PTPRQ: variants seen among roughly 807,000 people sequenced by gnomAD.
PTPRQ encodes the protein phosphatidylinositol phosphatase PTPRQ.
In PTPRQ, 199 loss-of-function variants were observed where a neutral mutation model predicts 246.0. That is an observed-to-expected ratio of 0.81 (90% CI 0.72 to 0.91). The LOEUF (loss-of-function observed/expected upper bound fraction) is 0.91. Among genes scored for constraint, PTPRQ ranks in the 40% least tolerant of loss-of-function variants. The pLI, the probability that PTPRQ is intolerant of heterozygous loss-of-function variation, is 0.00. For missense variants in PTPRQ, 2,624 were observed against 2,528.4 expected (o/e 1.04, Z -0.81); for synonymous variants, 869 against 853.2 (o/e 1.02, Z -0.32).
At position 80,566,183 on chromosome 12, in the gene PTPRQ, A is replaced by T. The variant is rs536946269; in HGVS notation, c.4285+16449A>T. Among the ~76,000 whole-genome samples the T allele has an allele frequency of 2.0e-5, 3 of 152,354 alleles. No individual in the cohort carries two copies. In the South Asian group the frequency reaches 6.2e-4, roughly 32 times the overall value. ...TATACTTATTAAAAGATACATTAAA[A>T]ATTAATAGCCCAAGCCAGGCATGGT... On this transcript the variant is annotated intron_variant, in intron 25 of 44. Coordinates refer to ENST00000644991, the MANE Select transcript of PTPRQ (RefSeq NM_001145026.2).
At chr12:80,513,348 G>A (rs997913581) in intron 17 of PTPRQ, among the ~76,000 whole-genome samples, 1 of 152,084 alleles carries the variant, frequency 6.6e-6, no homozygotes, top group African/African-American at 2.4e-5. Flanking sequence ...CAAACTGTGC[G>A]TTGTTCCGCT....
At chr12:80,676,735 T>C (rs540552358) in intron 43 of PTPRQ, among the ~76,000 whole-genome samples, 1 of 152,260 alleles carries the variant, frequency 6.6e-6, no homozygotes, top group East Asian at 1.9e-4. Context: ...TGAGCTAATA[T>C]CCTAAGATAC....
chr12:80,496,205 A>C (rs922203346), intron 13 of PTPRQ, 45 bp from the exon 14 acceptor site: 1 of 1,542,034 alleles, frequency 6.5e-7, no homozygotes, highest in Non-Finnish European at 8.7e-7. Context: ...AGCAACAAAC[A>C]TCAATAAAAA....
At chr12:80,664,658 A>G (rs1439753385) in intron 39 of PTPRQ, among the ~76,000 whole-genome samples, 1 of 151,988 alleles carries the variant, frequency 6.6e-6, no homozygotes, top group East Asian at 1.9e-4. Context: ...AACACTTACT[A>G]TCTTCAATTC....
rs1892945346 is a variant in PTPRQ at position 80,455,409 on chromosome 12, T to C, written c.391-2166T>C. Among the ~76,000 whole-genome samples the C allele has an allele frequency of 2.6e-5, 4 of 152,348 alleles. No homozygotes were observed. In the South Asian group the frequency reaches 8.3e-4, roughly 32 times the overall value. On this transcript the variant is annotated intron_variant, in intron 3 of 44. Coordinates refer to ENST00000644991, the MANE Select transcript of PTPRQ (RefSeq NM_001145026.2). Reference sequence around the variant, plus strand: ...TAAAATAAAACTTATAGTTAGCTTTTCATTTTTCTTCCAAATCTTCTTGTT... The same window carrying C: ...TAAAATAAAACTTATAGTTAGCTTTCCATTTTTCTTCCAAATCTTCTTGTT...
At position 80,459,755 on chromosome 12, in the gene PTPRQ, G is replaced by A. The variant is rs374971747; in HGVS notation, c.660+272G>A. On this transcript the variant is annotated intron_variant, in intron 5 of 44. Transcript: ENST00000644991. The stretch of plus-strand genomic sequence containing the variant: ...GGAATTCTGAAAAGACTTCATCAAA[G>A]GAGTAGCATTTGTGATACACCATGG... Among the ~76,000 whole-genome samples, 4 of 152,270 alleles carry A rather than the reference G, an allele frequency of 2.6e-5. No homozygotes were observed. The East Asian group carries it at 5.8e-4, about 22-fold the overall frequency.
intron 37 of PTPRQ, among the ~76,000 whole-genome samples, chr12:80,651,378 A>G (rs1479918482): frequency 1.3e-5 from 2 of 152,064 alleles, no homozygotes; most frequent in South Asian, 2.1e-4. Context: ...ACCAGAAAAG[A>G]GTTTATAAAA....
chr12:80,452,851 C>T (rs7307497), intron 3 of PTPRQ, among the ~76,000 whole-genome samples: 147,716 of 152,110 alleles, frequency 0.97, 71,872 homozygotes, highest in African/African-American at 1. Flanking sequence ...GTCTTGGAGT[C>T]GCTCTTCTCG....
intron 9 of PTPRQ, among the ~76,000 whole-genome samples, chr12:80,485,289 T>C (rs1248267869): frequency 2.6e-5 from 4 of 152,180 alleles, no homozygotes; most frequent in Non-Finnish European, 5.9e-5. Context: ...TGTTCACCTG[T>C]GAGACTCTTT....
intron 25 of PTPRQ, among the ~76,000 whole-genome samples, chr12:80,560,693 A>C (rs1269274603): frequency 6.6e-6 from 1 of 152,236 alleles, no homozygotes; most frequent in Non-Finnish European, 1.5e-5. Context: ...CTTTTACGGA[A>C]ATGTGTTTAG....
intron 25 of PTPRQ, among the ~76,000 whole-genome samples, chr12:80,555,720 G>T (rs1896625190): frequency 6.6e-6 from 1 of 152,100 alleles, no homozygotes; most frequent in Non-Finnish European, 1.5e-5. Context: ...TGAAATTCAG[G>T]TGTTTTATAC....
rs1038919738 is a variant in PTPRQ at position 80,635,084 on chromosome 12, T to C, written c.5915+11T>C. 1.2e-5 allele frequency: 18 copies of C among 1,549,278 alleles called. No homozygotes were observed. The African/African-American group carries it at 2.3e-4, about 20-fold the overall frequency. ...CGAGAGATTAACGCGGTGAGCACAC[T>C]CCTCTGGGTGAACTGTGGTCCAGAG... On this transcript the variant is annotated intron_variant, in intron 35 of 44. Coordinates refer to ENST00000644991, the MANE Select transcript of PTPRQ (RefSeq NM_001145026.2).
chr12:80,511,211 TCTC>T lies in PTPRQ; in HGVS notation c.2678+772_2678+774del, dbSNP rs200786685. On this transcript the variant is annotated intron_variant, in intron 17 of 44. Coordinates refer to ENST00000644991, the MANE Select transcript of PTPRQ (RefSeq NM_001145026.2). ...GAGATGCCATGATGTTTTAAAGAAGTCTCCTCTTCTTCTCTTTCCTAAGTTAAG... is the reference window on the plus strand; with the variant it reads ...GAGATGCCATGATGTTTTAAAGAAGTCTCTTCTTCTCTTTCCTAAGTTAAG... Among the ~76,000 whole-genome samples the T allele has an allele frequency of 5.8e-3, 886 of 152,222 alleles. 10 individuals carry two copies. Among genetic ancestry groups the T allele is most frequent in the African/African-American group, 0.021 (861 of 41,520 alleles).
chr12:80,545,373 C>T (rs146747625), intron 23 of PTPRQ, among the ~76,000 whole-genome samples: 79 of 151,970 alleles, frequency 5.2e-4, no homozygotes, highest in African/African-American at 1.8e-3. Flanking sequence ...TTGTAAATTC[C>T]CCAAGAATTA....
chr12:80,525,303 A>G (rs1379205940), intron 17 of PTPRQ, among the ~76,000 whole-genome samples: 1 of 152,188 alleles, frequency 6.6e-6, no homozygotes, highest in African/African-American at 2.4e-5. Context: ...ACTCATCCCA[A>G]ATTGGCTTAA....
intron 38 of PTPRQ, among the ~76,000 whole-genome samples, chr12:80,653,592 G>GTT (rs1330663815): frequency 6.6e-6 from 1 of 152,052 alleles, no homozygotes; most frequent in South Asian, 2.1e-4. Context: ...ATATACATCT[G>GTT]TGTGTGTATA....
chr12:80,520,213 C>A (rs148720986), intron 17 of PTPRQ, among the ~76,000 whole-genome samples: 1 of 152,220 alleles, frequency 6.6e-6, no homozygotes, highest in East Asian at 1.9e-4. Context: ...ATAATTTCCA[C>A]ATGTTGTTGG....
intron 39 of PTPRQ, among the ~76,000 whole-genome samples, chr12:80,666,078 A>G (rs1023547338): frequency 1.3e-5 from 2 of 152,214 alleles, no homozygotes; most frequent in Non-Finnish European, 2.9e-5. Context: ...ATCCAAAGGG[A>G]AGAAAATCAG....
intron 17 of PTPRQ, among the ~76,000 whole-genome samples, chr12:80,530,730 T>G (rs1895820288): frequency 6.6e-6 from 1 of 152,198 alleles, no homozygotes. Context: ...ATATTTATAA[T>G]ATCCAGAGAT....
Sources: gnomAD v4.1 joint callset for allele counts (sites outside exome capture counted in the v4.1 genomes callset) on GRCh38, gnomAD v4.1.1 for gene constraint, MANE v1.5 for transcripts, NCBI Gene and HGNC (gene_info 2026-07-23, HGNC 2026-07-21) for gene names.